Variants in TRIM71 observed in about 807,000 individuals in gnomAD.
TRIM71 encodes the protein tripartite motif containing 71.
Under a neutral mutation model 61.2 loss-of-function variants are expected in TRIM71, and 9 were observed. The ratio of observed to expected loss-of-function variants is 0.15; its 90% CI spans 0.09 to 0.26. TRIM71 has a LOEUF of 0.26. Ranked by LOEUF, TRIM71 falls within the 10% of genes least tolerant of loss-of-function variation. TRIM71 has a pLI of 1.00. For missense variants in TRIM71, 998 were observed against 1,238.7 expected, an observed-to-expected ratio of 0.81 and a Z score of 2.92; for synonymous variants, 645 against 553.2, an observed-to-expected ratio of 1.17 and a Z score of -2.33.
chr3:32,852,254 A>C (rs1696547304), intron 1 of TRIM71, among the ~76,000 whole-genome samples: 1 of 152,038 alleles, frequency 6.6e-6, no homozygotes, highest in African/African-American at 2.4e-5. Flanking sequence ...ATCCTGGAGA[A>C]GGACATTGAG....
At chr3:32,833,280 G>A (rs542107322) in intron 1 of TRIM71, among the ~76,000 whole-genome samples, 14 of 149,936 alleles carry the variant, frequency 9.3e-5, no homozygotes, top group African/African-American at 2.2e-4. Context: ...GATGAAATAG[G>A]AGTGCAGAAT....
intron 1 of TRIM71, among the ~76,000 whole-genome samples, chr3:32,864,121 C>T (rs1052374431): frequency 6.6e-6 from 1 of 152,146 alleles, no homozygotes; most frequent in Non-Finnish European, 1.5e-5. Context: ...AGCTGGAGTG[C>T]AGTGGAATGA....
At chr3:32,835,153 GT>G (rs1426860056) in intron 1 of TRIM71, among the ~76,000 whole-genome samples, 1 of 152,188 alleles carries the variant, frequency 6.6e-6, no homozygotes, top group Non-Finnish European at 1.5e-5. Context: ...GAGAGAAGAG[GT>G]TGAGTTTCAG....
At position 32,855,881 on chromosome 3, in the gene TRIM71, A is replaced by G. The variant is rs150464666; in HGVS notation, c.853-17937A>G. Among the ~76,000 whole-genome samples the G allele has an allele frequency of 2.6e-3, 390 of 152,296 alleles. 1 individual carries two copies. Among genetic ancestry groups the G allele is most frequent in the African/African-American group, 8.7e-3 (362 of 41,554 alleles). ...CAGCATACAGGAGAGATGCCCCAAG[A>G]TGGGTAGCTGGCCTCTCCTACAGGC... On this transcript the variant is annotated intron_variant, in intron 1 of 3. Transcript: ENST00000383763.
At chr3:32,874,324 TTACTACTACTACTAC>T (rs34214588) in intron 2 of TRIM71, among the ~76,000 whole-genome samples, 198 of 121,568 alleles carry the variant, frequency 1.6e-3, no homozygotes, top group East Asian at 5.9e-3. Context: ...TTAATGCTTA[TTACTACTACTACTAC>T]TACTACTACT....
rs913395768 is a variant in TRIM71 at position 32,865,403 on chromosome 3, G to A, written c.853-8415G>A. Among the ~76,000 whole-genome samples, 3 of 152,010 alleles carry A rather than the reference G, an allele frequency of 2.0e-5. No individual in the cohort carries two copies. In the South Asian group the frequency reaches 6.2e-4, roughly 32 times the overall value. The stretch of plus-strand genomic sequence containing the variant: ...GCAGCCTGCGGAGGGTCAGAATCAC[G>A]GAAAACTACATACACGAGTTACACC... On this transcript the variant is annotated intron_variant, in intron 1 of 3. Transcript: ENST00000383763.
intron 2 of TRIM71, among the ~76,000 whole-genome samples, chr3:32,877,243 A>G (rs932192545): frequency 1.3e-5 from 2 of 152,116 alleles, no homozygotes; most frequent in Admixed American, 6.6e-5. Flanking sequence ...AGCTGGGGTT[A>G]CAGGAGCCTG....
rs1696177929 is a variant in TRIM71, at chr3:32,824,384, G to A, written c.852+5452G>A. On this transcript the variant is annotated intron_variant, in intron 1 of 3. Coordinates refer to ENST00000383763, the MANE Select transcript of TRIM71 (RefSeq NM_001039111.3). Reference sequence around the variant, plus strand: ...TTTTTTTTTTTTTAAGTAGAGACGGGGTTTCACCATATTGGCCAGGCTTGT... The same window carrying A: ...TTTTTTTTTTTTTAAGTAGAGACGGAGTTTCACCATATTGGCCAGGCTTGT... Among the ~76,000 whole-genome samples the A allele has an allele frequency of 3.3e-5, 5 of 151,528 alleles. No individual in the cohort carries two copies. The South Asian group carries it at 1.0e-3, about 32-fold the overall frequency.
intron 2 of TRIM71, among the ~76,000 whole-genome samples, chr3:32,878,696 T>C (rs751168163): frequency 5.9e-5 from 9 of 152,238 alleles, no homozygotes; most frequent in Non-Finnish European, 1.2e-4. Flanking sequence ...TCATCCAGGC[T>C]TTGTTTTTCC....
chr3:32,857,433 T>C (rs1294675517), intron 1 of TRIM71, among the ~76,000 whole-genome samples: 1 of 152,182 alleles, frequency 6.6e-6, no homozygotes, highest in Non-Finnish European at 1.5e-5. Flanking sequence ...AAGCAATTTT[T>C]TTCTAACTGG....
At chr3:32,829,825 C>T (rs1417614645) in intron 1 of TRIM71, among the ~76,000 whole-genome samples, 1 of 151,788 alleles carries the variant, frequency 6.6e-6, no homozygotes, top group African/African-American at 2.4e-5. Context: ...ACTCTTTCCA[C>T]ATTGCTATTT....
chr3:32,845,970 C>T (rs578084555), intron 1 of TRIM71, among the ~76,000 whole-genome samples: 1 of 148,738 alleles, frequency 6.7e-6, no homozygotes, highest in East Asian at 2.2e-4. Context: ...ATCCACCTGG[C>T]AGTTTGCATC....
intron 1 of TRIM71, among the ~76,000 whole-genome samples, chr3:32,844,458 G>A (rs529347996): frequency 2.6e-5 from 4 of 152,218 alleles, no homozygotes; most frequent in African/African-American, 9.6e-5. Context: ...GTGCAGTGGC[G>A]TGATCACAGC....
At chr3:32,877,372 G>A (rs531894663) in intron 2 of TRIM71, among the ~76,000 whole-genome samples, 1 of 151,798 alleles carries the variant, frequency 6.6e-6, no homozygotes, top group South Asian at 2.1e-4. Flanking sequence ...TCAAAGTGTT[G>A]GGATATCAGG....
At chr3:32,877,295 G>A (rs559436481) in intron 2 of TRIM71, among the ~76,000 whole-genome samples, 1 of 152,146 alleles carries the variant, frequency 6.6e-6, no homozygotes. Context: ...GTAGAGACGG[G>A]GTTTCACCAT....
At chr3:32,867,717 A>AT (rs140359364) in intron 1 of TRIM71, among the ~76,000 whole-genome samples, 2 of 152,184 alleles carry the variant, frequency 1.3e-5, no homozygotes, top group Non-Finnish European at 2.9e-5. Flanking sequence ...TCACATACTT[A>AT]TTTTTTTGTG....
At position 32,895,612 on chromosome 3, in the gene TRIM71, T is replaced by C. The variant is rs1162476899; in HGVS notation, c.*3801T>C. 2.6e-5 allele frequency: 4 copies of C among 152,180 alleles called. No individual in the cohort carries two copies. Among genetic ancestry groups the C allele is most frequent in the African/African-American group, 9.7e-5 (4 of 41,430 alleles). 9.4% of individuals were successfully genotyped at this position (152,180 alleles called of 1,614,324 possible). On this transcript the variant is annotated 3_prime_UTR_variant, in exon 4 of 4. Coordinates refer to ENST00000383763, the MANE Select transcript of TRIM71 (RefSeq NM_001039111.3). ...TTAATCCAGTGGTGCCAAAAAGTAT[T>C]TAGGGTATGTTTAAGGTATATTTAA... is the stretch of plus-strand genomic sequence containing the variant.
At chr3:32,822,464 T>G (rs1408576046) in intron 1 of TRIM71, among the ~76,000 whole-genome samples, 1 of 152,142 alleles carries the variant, frequency 6.6e-6, no homozygotes, top group Non-Finnish European at 1.5e-5. Context: ...AAACTTAAAG[T>G]GGCTTCAGTC....
chr3:32,865,839 T>TTTTA (rs1696729649), intron 1 of TRIM71, among the ~76,000 whole-genome samples: 3 of 126,492 alleles, frequency 2.4e-5, no homozygotes, highest in Non-Finnish European at 5.0e-5. Flanking sequence ...TTTTTTTTTT[T>TTTTA]TTTTAAGACA....
Sources: gnomAD v4.1 joint callset for allele counts (sites outside exome capture counted in the v4.1 genomes callset) on GRCh38, gnomAD v4.1.1 for gene constraint, MANE v1.5 for transcripts, NCBI Gene and HGNC (gene_info 2026-07-23, HGNC 2026-07-21) for gene names.